The following STPG2 variants were observed in gnomAD, a reference collection of about 807,000 sequenced individuals.
STPG2 encodes the protein sperm-tail PG-rich repeat-containing protein 2.
A neutral mutation model predicts 54.2 loss-of-function variants in STPG2; 56 were observed. The observed-to-expected ratio is 1.03, with a 90% CI of 0.83 to 1.29. The LOEUF is 1.29. Ranked by LOEUF, STPG2 falls within the 50% of genes most tolerant of loss-of-function variation. STPG2 has a pLI of 0.00. For missense variants in STPG2, 596 were observed against 544.9 expected (o/e 1.09, Z -0.93); for synonymous variants, 200 against 181.8 (o/e 1.10, Z -0.81).
intron 4 of STPG2, among the ~76,000 whole-genome samples, chr4:97,479,836 T>A (rs963717543): frequency 1.3e-5 from 2 of 151,846 alleles, no homozygotes; most frequent in African/African-American, 2.4e-5. Flanking sequence ...CACAGGACTG[T>A]GATACTCAAG....
At chr4:97,525,196 A>AT (rs1477925342) in intron 4 of STPG2, among the ~76,000 whole-genome samples, 1 of 151,792 alleles carries the variant, frequency 6.6e-6, no homozygotes, top group Admixed American at 6.6e-5. Context: ...TTATCTAAAT[A>AT]TTTTTAATTT....
intron 8 of STPG2, among the ~76,000 whole-genome samples, chr4:97,938,305 G>A (rs893622772): frequency 5.3e-5 from 8 of 152,188 alleles, no homozygotes; most frequent in East Asian, 1.9e-4. Context: ...CCAAGAGTCC[G>A]GTGTCTTAAG....
chr4:97,742,561 G>A (rs79036846), intron 9 of STPG2, among the ~76,000 whole-genome samples: 62,074 of 125,226 alleles, frequency 0.5, 14,314 homozygotes, highest in Admixed American at 0.57. Context: ...GTGTGTGTGT[G>A]TGTGTCTATA....
At chr4:97,721,551 T>A (rs954781099) in intron 9 of STPG2, among the ~76,000 whole-genome samples, 2 of 152,120 alleles carry the variant, frequency 1.3e-5, no homozygotes, top group Non-Finnish European at 2.9e-5. Flanking sequence ...TCAAAAGGTC[T>A]TCTTATTATA....
At chr4:97,527,510 C>G (rs1362413646) in intron 4 of STPG2, among the ~76,000 whole-genome samples, 1 of 152,080 alleles carries the variant, frequency 6.6e-6, no homozygotes, top group African/African-American at 2.4e-5. Flanking sequence ...TGATTATATA[C>G]CCAGTAATGG....
At chr4:97,952,343 C>T (rs574394635) in intron 7 of STPG2, among the ~76,000 whole-genome samples, 80 of 152,258 alleles carry the variant, frequency 5.3e-4, no homozygotes, top group African/African-American at 1.9e-3. Flanking sequence ...TGGGGTACAG[C>T]TGCAGACTTT....
At chr4:97,659,007 CAATT>C (rs901676976) in intron 10 of STPG2, among the ~76,000 whole-genome samples, 7 of 152,086 alleles carry the variant, frequency 4.6e-5, no homozygotes, top group Non-Finnish European at 1.0e-4. Flanking sequence ...GGGGAGAAAA[CAATT>C]AATTAATACT....
At chr4:97,924,460 T>C (rs1213910373) in intron 8 of STPG2, among the ~76,000 whole-genome samples, 18 of 152,248 alleles carry the variant, frequency 1.2e-4, no homozygotes, top group Admixed American at 1.2e-3. Context: ...TAGGAGCAGA[T>C]GCTCAAAATT....
At chr4:98,102,354 A>G (rs1739063766) in intron 5 of STPG2, among the ~76,000 whole-genome samples, 1 of 152,158 alleles carries the variant, frequency 6.6e-6, no homozygotes, top group Admixed American at 6.5e-5. Context: ...TTATTCATCC[A>G]TATATTGTCC....
chr4:97,477,465 C>G (rs1730100210), intron 4 of STPG2, among the ~76,000 whole-genome samples: 1 of 149,182 alleles, frequency 6.7e-6, no homozygotes, highest in Non-Finnish European at 1.5e-5. Flanking sequence ...GATGGTTTAC[C>G]TTCCTTTTTT....
chr4:97,698,593 G>C (rs1723662879), intron 10 of STPG2, among the ~76,000 whole-genome samples: 1 of 152,026 alleles, frequency 6.6e-6, no homozygotes, highest in Admixed American at 6.6e-5. Flanking sequence ...TGTTGCTAGT[G>C]GTCACTAAGG....
intron 8 of STPG2, among the ~76,000 whole-genome samples, chr4:97,872,723 T>C (rs1303925339): frequency 6.6e-6 from 1 of 151,206 alleles, no homozygotes; most frequent in Non-Finnish European, 1.5e-5. Flanking sequence ...AACAATCATT[T>C]TTATGAATCT....
chr4:97,988,146 A>G (rs1037006292), intron 5 of STPG2, among the ~76,000 whole-genome samples: 6 of 152,178 alleles, frequency 3.9e-5, no homozygotes, highest in East Asian at 3.9e-4. Flanking sequence ...CAGATCAGGC[A>G]TATATCTGCT....
At chr4:97,656,603 T>A (rs1317948734) in intron 10 of STPG2, among the ~76,000 whole-genome samples, 6 of 151,686 alleles carry the variant, frequency 4.0e-5, no homozygotes, top group Non-Finnish European at 8.8e-5. Context: ...ACATGGTGGC[T>A]CAGGAACATT....
intron 4 of STPG2, among the ~76,000 whole-genome samples, chr4:97,460,091 A>G (rs933007315): frequency 6.6e-6 from 1 of 152,208 alleles, no homozygotes; most frequent in African/African-American, 2.4e-5. Context: ...AGAATTAGCT[A>G]CAGTGGTTAT....
chr4:98,029,692 T>C (rs904464985), intron 5 of STPG2, among the ~76,000 whole-genome samples: 7 of 152,282 alleles, frequency 4.6e-5, no homozygotes, highest in South Asian at 2.1e-4. Flanking sequence ...TATTCTCATA[T>C]TGGTACTTTC....
chr4:97,825,699 T>A (rs1048104640), intron 9 of STPG2, among the ~76,000 whole-genome samples: 5 of 152,150 alleles, frequency 3.3e-5, no homozygotes, highest in African/African-American at 1.2e-4. Context: ...CTGAATCTTT[T>A]GTCTGTCTGG....
chr4:97,978,487 C>A (rs1419835851), intron 6 of STPG2, among the ~76,000 whole-genome samples: 2 of 151,992 alleles, frequency 1.3e-5, no homozygotes, highest in African/African-American at 4.8e-5. Flanking sequence ...TAGAGAGGAA[C>A]CACAGACAAT....
chr4:97,643,325 C>T (rs932662481), intron 10 of STPG2, among the ~76,000 whole-genome samples: 2 of 151,608 alleles, frequency 1.3e-5, no homozygotes, highest in African/African-American at 4.8e-5. Context: ...CTCTCACATT[C>T]AATGAAACAA....
Sources: gnomAD v4.1 joint callset for allele counts (sites outside exome capture counted in the v4.1 genomes callset) on GRCh38, gnomAD v4.1.1 for gene constraint, MANE v1.5 for transcripts, NCBI Gene and HGNC (gene_info 2026-07-23, HGNC 2026-07-21) for gene names.